The following ROBO2 variants were observed in gnomAD, a reference collection of about 807,000 sequenced individuals.
The protein encoded by ROBO2 is roundabout guidance receptor 2.
In ROBO2, 53 loss-of-function variants were observed where a neutral mutation model predicts 160.8. The observed-to-expected ratio is 0.33, with a 90% confidence interval of 0.26 to 0.41. The LOEUF is 0.41. Among genes scored for constraint, ROBO2 ranks in the 10% least tolerant of loss-of-function variants. ROBO2 has a pLI of 1.00. For synonymous variants in ROBO2, 664 were observed against 611.7 expected (o/e 1.09, Z -1.26); for missense variants, 1,577 against 1,722.4 (o/e 0.92, Z 1.49).
intron 2 of ROBO2, among the ~76,000 whole-genome samples, chr3:77,407,813 A>T (rs1191704459): frequency 6.6e-6 from 1 of 152,236 alleles, no homozygotes; most frequent in East Asian, 1.9e-4. Flanking sequence ...TTTCCATGGA[A>T]AAAGTATAAA....
chr3:77,378,193 C>G (rs1177339225), intron 2 of ROBO2, among the ~76,000 whole-genome samples: 1 of 152,044 alleles, frequency 6.6e-6, no homozygotes, highest in African/African-American at 2.4e-5. Flanking sequence ...TGAAAATTAC[C>G]ATTGTCTTAT....
intron 2 of ROBO2, among the ~76,000 whole-genome samples, chr3:76,223,419 G>A (rs62267440): frequency 0.34 from 51,136 of 151,606 alleles, 9,556 homozygotes; most frequent in Non-Finnish European, 0.42. Context: ...CACCCAGGGT[G>A]GGGAGGCTAC....
rs368155020 is a variant in ROBO2 at position 77,361,980 on chromosome 3, A to G, written c.389-115434A>G. Reference sequence around the variant, plus strand: ...GCAAAACAAACTTAATTCTTGCCTTAATGATATTTATAACTTAACGGAGAA... The same window carrying G: ...GCAAAACAAACTTAATTCTTGCCTTGATGATATTTATAACTTAACGGAGAA... On this transcript the variant is annotated intron_variant, in intron 2 of 25. Coordinates refer to ENST00000461745, the Ensembl canonical transcript of ROBO2. 8.5e-5 allele frequency among the ~76,000 whole-genome samples: 13 copies of G among 152,172 alleles called. No individual in the cohort carries two copies. In the East Asian group the frequency reaches 1.2e-3, roughly 14 times the overall value.
At chr3:76,427,657 T>C (rs2076274032) in intron 2 of ROBO2, among the ~76,000 whole-genome samples, 1 of 152,210 alleles carries the variant, frequency 6.6e-6, no homozygotes. Flanking sequence ...ACACAACTGA[T>C]AGTTATTATT....
At chr3:76,714,480 A>G (rs974847893) in intron 2 of ROBO2, among the ~76,000 whole-genome samples, 6 of 152,196 alleles carry the variant, frequency 3.9e-5, no homozygotes, top group Non-Finnish European at 5.9e-5. Flanking sequence ...CATTATGACA[A>G]AGGAAATTGT....
chr3:77,352,259 G>A (rs1407782389), intron 2 of ROBO2, among the ~76,000 whole-genome samples: 1 of 149,938 alleles, frequency 6.7e-6, no homozygotes, highest in African/African-American at 2.5e-5. Flanking sequence ...AATAAAAAAA[G>A]GCCTAGGATT....
chr3:77,543,550 T>G (rs2092572638), intron 6 of ROBO2, among the ~76,000 whole-genome samples: 1 of 152,204 alleles, frequency 6.6e-6, no homozygotes. Flanking sequence ...AAAAAAATGT[T>G]TCAAAAGTTT....
In ROBO2 at chr3:77,563,882, G is replaced by C. The variant is rs547989233; in HGVS notation, c.1682+553G>C. ...TGCTTAATGGAAAAGATGTTTCCAC[G>C]TGTTATCTGAAATAATTGTTGCCAA... On this transcript the variant is annotated intron_variant, in intron 11 of 25. Transcript: ENST00000461745. Among the ~76,000 whole-genome samples, 58 of 152,082 alleles carry C rather than the reference G, an allele frequency of 3.8e-4. No homozygotes were observed. The Middle Eastern group carries it at 0.017, about 45-fold the overall frequency.
At chr3:76,962,872 C>G (rs2079776461) in intron 2 of ROBO2, among the ~76,000 whole-genome samples, 1 of 152,146 alleles carries the variant, frequency 6.6e-6, no homozygotes, top group Non-Finnish European at 1.5e-5. Context: ...TGTCCACAGT[C>G]TCTGACTTCT....
At chr3:76,876,910 G>C (rs2072793473) in intron 2 of ROBO2, among the ~76,000 whole-genome samples, 1 of 152,050 alleles carries the variant, frequency 6.6e-6, no homozygotes. Context: ...TCAAAGTACA[G>C]AGATTTGCTT....
chr3:75,979,311 A>T (rs1246385110), intron 2 of ROBO2, among the ~76,000 whole-genome samples: 1 of 151,582 alleles, frequency 6.6e-6, no homozygotes, highest in Non-Finnish European at 1.5e-5. Flanking sequence ...ATATACACAC[A>T]TATATAGAGA....
At chr3:76,812,360 A>C (rs1254872519) in intron 2 of ROBO2, among the ~76,000 whole-genome samples, 2 of 151,380 alleles carry the variant, frequency 1.3e-5, no homozygotes, top group Non-Finnish European at 2.9e-5. Flanking sequence ...AAAAAAAAAA[A>C]AAACGTGTTT....
intron 23 of ROBO2, among the ~76,000 whole-genome samples, chr3:77,627,385 T>C (rs1039287821): frequency 2.6e-5 from 4 of 152,160 alleles, no homozygotes; most frequent in African/African-American, 9.7e-5. Flanking sequence ...ATTCAAGAGA[T>C]TCTCCTGCCT....
At chr3:76,801,963 T>C (rs1028896727) in intron 2 of ROBO2, among the ~76,000 whole-genome samples, 7 of 152,150 alleles carry the variant, frequency 4.6e-5, no homozygotes, top group Non-Finnish European at 7.4e-5. Context: ...GATGAGGGGA[T>C]GGCTGGTCAG....
chr3:77,371,794 C>G (rs2071789669), intron 2 of ROBO2, among the ~76,000 whole-genome samples: 1 of 152,140 alleles, frequency 6.6e-6, no homozygotes, highest in Non-Finnish European at 1.5e-5. Flanking sequence ...TGATTTTTAT[C>G]CGGGACCAGG....
chr3:75,946,927 TGAAG>T (rs1286827187), intron 2 of ROBO2, among the ~76,000 whole-genome samples: 1 of 151,964 alleles, frequency 6.6e-6, no homozygotes, highest in Non-Finnish European at 1.5e-5. Flanking sequence ...GGTACAGTAG[TGAAG>T]GAAGGGGGAT....
At chr3:76,077,621 T>A (rs752975237) in intron 2 of ROBO2, among the ~76,000 whole-genome samples, 3 of 152,022 alleles carry the variant, frequency 2.0e-5, no homozygotes, top group Non-Finnish European at 4.4e-5. Context: ...AATATAAAGA[T>A]TCTTCTTGAC....
intron 1 of ROBO2, among the ~76,000 whole-genome samples, chr3:77,075,839 G>A (rs891353080): frequency 5.9e-5 from 9 of 151,280 alleles, no homozygotes; most frequent in East Asian, 2.0e-4. Flanking sequence ...CACCATGCCC[G>A]GCTAATTTTT....
chr3:77,196,073 C>T (rs148740306), intron 2 of ROBO2, among the ~76,000 whole-genome samples: 1,557 of 152,256 alleles, frequency 0.01, 14 homozygotes, highest in Non-Finnish European at 0.014. Flanking sequence ...AAAATGAAGG[C>T]CTGAAACTAA....
Sources: gnomAD v4.1 joint callset for allele counts (sites outside exome capture counted in the v4.1 genomes callset) on GRCh38, gnomAD v4.1.1 for gene constraint, MANE v1.5 for transcripts, NCBI Gene and HGNC (gene_info 2026-07-23, HGNC 2026-07-21) for gene names.